Variants in CSMD3 observed in about 807,000 individuals in gnomAD.
The protein encoded by CSMD3 is CUB and Sushi multiple domains 3.
In CSMD3, 177 loss-of-function variants were observed where a neutral mutation model predicts 435.2. The ratio of observed to expected loss-of-function variants is 0.41; its 90% CI spans 0.36 to 0.46. CSMD3 has a LOEUF of 0.46. Among genes scored for constraint, CSMD3 ranks in the 20% least tolerant of loss-of-function variants. The pLI is 0.34. For synonymous variants in CSMD3, 1,656 were observed against 1,520.5 expected, an observed-to-expected ratio of 1.09 and a Z score of -2.07; for missense variants, 4,265 against 4,504.6, an observed-to-expected ratio of 0.95 and a Z score of 1.52.
chr8:113,167,860 G>T (rs1588191359), intron 4 of CSMD3, among the ~76,000 whole-genome samples: 1 of 152,284 alleles, frequency 6.6e-6, no homozygotes, highest in Non-Finnish European at 1.5e-5. Context: ...ATCTCTATGT[G>T]AAATGACAGC....
intron 3 of CSMD3, among the ~76,000 whole-genome samples, chr8:113,225,978 T>C (rs549528430): frequency 1.3e-5 from 2 of 151,590 alleles, no homozygotes; most frequent in African/African-American, 4.8e-5. Flanking sequence ...CTGATGGTTT[T>C]ATAAAGGGCT....
intron 13 of CSMD3, among the ~76,000 whole-genome samples, chr8:112,691,413 T>A (rs1586980555): frequency 6.6e-6 from 1 of 152,116 alleles, no homozygotes; most frequent in African/African-American, 2.4e-5. Flanking sequence ...CAGAAAAAAA[T>A]TGGATTCTTG....
intron 22 of CSMD3, among the ~76,000 whole-genome samples, chr8:112,608,487 A>G (rs1265640098): frequency 6.6e-6 from 1 of 152,130 alleles, no homozygotes; most frequent in Non-Finnish European, 1.5e-5. Flanking sequence ...GTCTTGAGCA[A>G]GAAGAATGAA....
At chr8:112,592,679 C>T (rs1397330286) in intron 22 of CSMD3, among the ~76,000 whole-genome samples, 1 of 151,930 alleles carries the variant, frequency 6.6e-6, no homozygotes, top group East Asian at 1.9e-4. Context: ...TTGACTATTT[C>T]CCATAATCTG....
intron 1 of CSMD3, among the ~76,000 whole-genome samples, chr8:113,320,701 C>A (rs955466662): frequency 1.3e-5 from 2 of 151,974 alleles, no homozygotes; most frequent in Non-Finnish European, 2.9e-5. Flanking sequence ...GAAATCTTTT[C>A]TTATTGTTTC....
intron 3 of CSMD3, among the ~76,000 whole-genome samples, chr8:113,224,680 C>A (rs2093006384): frequency 1.3e-5 from 2 of 151,134 alleles, no homozygotes; most frequent in East Asian, 1.9e-4. Flanking sequence ...AAAAATAGAA[C>A]ATTATAATTA....
chr8:112,432,815 C>T (rs1701778561), intron 32 of CSMD3, among the ~76,000 whole-genome samples: 1 of 151,782 alleles, frequency 6.6e-6, no homozygotes, highest in African/African-American at 2.4e-5. Flanking sequence ...GTGGCTCATG[C>T]CTGCAATCCC....
At chr8:112,605,500 A>C (rs1832718914) in intron 22 of CSMD3, among the ~76,000 whole-genome samples, 1 of 152,176 alleles carries the variant, frequency 6.6e-6, no homozygotes, top group Non-Finnish European at 1.5e-5. Flanking sequence ...CCTGGAGACC[A>C]TTATCCTAAG....
At chr8:112,573,687 A>C (rs2131302683) in intron 23 of CSMD3, 30 bp from the exon 24 acceptor site, 2 of 1,478,938 alleles carry the variant, frequency 1.4e-6, no homozygotes, top group Non-Finnish European at 1.9e-6. Flanking sequence ...TTAAAATGTA[A>C]ATGTGCCAAT....
chr8:113,404,857 A>C (rs2129679143), intron 1 of CSMD3, among the ~76,000 whole-genome samples: 1 of 151,618 alleles, frequency 6.6e-6, no homozygotes, highest in South Asian at 2.1e-4. Context: ...CAGATTAAAA[A>C]CCAAAGAAAC....
intron 13 of CSMD3, among the ~76,000 whole-genome samples, chr8:112,746,162 G>A (rs1465529605): frequency 6.6e-6 from 1 of 152,102 alleles, no homozygotes; most frequent in Non-Finnish European, 1.5e-5. Flanking sequence ...ATAAATAAGA[G>A]AACAATCTCC....
intron 28 of CSMD3, among the ~76,000 whole-genome samples, chr8:112,508,726 C>G (rs1822788274): frequency 6.6e-6 from 1 of 152,124 alleles, no homozygotes; most frequent in African/African-American, 2.4e-5. Flanking sequence ...TTCCCTGTTG[C>G]AATAGTCCCT....
intron 3 of CSMD3, among the ~76,000 whole-genome samples, chr8:113,188,786 G>A (rs1030240236): frequency 2.0e-5 from 3 of 151,818 alleles, no homozygotes; most frequent in Non-Finnish European, 4.4e-5. Context: ...TTTACCATAA[G>A]CATGTGGAAG....
intron 6 of CSMD3, among the ~76,000 whole-genome samples, chr8:112,979,912 C>A (rs577171602): frequency 6.6e-6 from 1 of 150,784 alleles, no homozygotes; most frequent in Non-Finnish European, 1.5e-5. Flanking sequence ...CCTAAACTAA[C>A]AAAAATGAAA....
chr8:113,289,729 T>C (rs2093672769), intron 2 of CSMD3, among the ~76,000 whole-genome samples: 1 of 151,798 alleles, frequency 6.6e-6, no homozygotes, highest in Non-Finnish European at 1.5e-5. Flanking sequence ...ATGTTAATTT[T>C]ACTGTATTTC....
chr8:113,370,991 G>A (rs1428733838), intron 1 of CSMD3, among the ~76,000 whole-genome samples: 1 of 151,984 alleles, frequency 6.6e-6, no homozygotes, highest in Non-Finnish European at 1.5e-5. Context: ...AAACAAGCTT[G>A]GCCATGAAGT....
At chr8:112,692,646 G>T (rs1228379050) in intron 13 of CSMD3, among the ~76,000 whole-genome samples, 1 of 152,066 alleles carries the variant, frequency 6.6e-6, no homozygotes, top group Non-Finnish European at 1.5e-5. Flanking sequence ...ATACTTTAAA[G>T]CATCATTCAG....
At chr8:113,399,788 A>T (rs1340036060) in intron 1 of CSMD3, among the ~76,000 whole-genome samples, 1 of 151,946 alleles carries the variant, frequency 6.6e-6, no homozygotes, top group Non-Finnish European at 1.5e-5. Context: ...TGAATTGTGC[A>T]TTTTAAAGGT....
chr8:113,045,635 C>T (rs2087797470), intron 5 of CSMD3, among the ~76,000 whole-genome samples: 1 of 149,426 alleles, frequency 6.7e-6, no homozygotes, highest in African/African-American at 2.4e-5. Context: ...ACCATGAAGA[C>T]TTCTTCTAGC....
Sources: allele counts gnomAD v4.1 joint callset (sites outside exome capture counted in the v4.1 genomes callset), GRCh38; gene constraint gnomAD v4.1.1; transcripts MANE v1.5; gene names NCBI Gene and HGNC (gene_info 2026-07-23, HGNC 2026-07-21).